Variants in CHI3L2 observed in about 807,000 individuals in gnomAD.
The protein encoded by CHI3L2 is chitinase-3-like protein 2.
A neutral mutation model predicts 47.3 loss-of-function variants in CHI3L2; 47 were observed. That is an observed-to-expected ratio of 0.99 (90% confidence interval 0.79 to 1.27). The LOEUF is 1.27. Among genes scored for constraint, CHI3L2 ranks in the 50% most tolerant of loss-of-function variants. CHI3L2 has a pLI of 0.00. For missense variants in CHI3L2, 497 were observed against 462.1 expected (o/e 1.08, Z -0.69); for synonymous variants, 198 against 169.9 (o/e 1.17, Z -1.28).
In CHI3L2 at chr1:111,230,829, C is replaced by A; in HGVS notation, c.158C>A (p.Pro53His). The change falls in exon 3 of 11, where the codon CCC (proline) becomes CAC (histidine). Residue 53 changes from proline to histidine, a missense_variant. Transcript: ENST00000369748. ...PGKFTPENID[P>H]FLCSHLIYSF... is the part of the protein sequence containing the mutation. The stretch of plus-strand genomic sequence containing the variant: ...AAATTCACCCCTGAGAATATTGACC[C>A]CTTCCTATGCTCTCATCTCATCTAT... 1 of 1,614,082 alleles carries A rather than the reference C, an allele frequency of 6.2e-7. No individual in the cohort carries two copies. The highest frequency in any genetic ancestry group is 8.5e-7 in the Non-Finnish European group (1 of 1,179,992).
chr1:111,241,478 G>T, intron 9 of CHI3L2, 35 bp downstream of exon 9: 2 of 1,061,752 alleles, frequency 1.9e-6, no homozygotes, highest in South Asian at 1.3e-5. Context: ...CCTTTAGGTG[G>T]GGAATGGTGA....
chr1:111,242,205 T>A, intron 9 of CHI3L2, 22 bp from the exon 10 acceptor site: 1 of 1,614,048 alleles, frequency 6.2e-7, no homozygotes, highest in African/African-American at 1.3e-5. Flanking sequence ...AATCTCTGTG[T>A]ATCCTTCTGT....
intron 10 of CHI3L2, among the ~76,000 whole-genome samples, 194 bp from the exon 11 acceptor site, chr1:111,243,023 G>A (rs765971210): frequency 1.3e-5 from 2 of 152,170 alleles, no homozygotes; most frequent in African/African-American, 2.4e-5. Context: ...GAAGCAGGGC[G>A]CTGGGGCTCA....
At chr1:111,234,132 A>G (rs1173511702) in intron 4 of CHI3L2, among the ~76,000 whole-genome samples, 2 of 148,464 alleles carry the variant, frequency 1.3e-5, no homozygotes, top group African/African-American at 2.5e-5. Context: ...TCCCTCCACT[A>G]TTGTCCTATG....
chr1:111,228,191 T>TTAC (rs1659582903), intron 1 of CHI3L2, among the ~76,000 whole-genome samples: 2 of 152,224 alleles, frequency 1.3e-5, no homozygotes, highest in Non-Finnish European at 2.9e-5. Context: ...TTGAATTTAA[T>TTAC]GTTTTTTAAA....
chr1:111,228,880 G>A (rs1418929723), intron 1 of CHI3L2, among the ~76,000 whole-genome samples: 3 of 152,134 alleles, frequency 2.0e-5, no homozygotes, highest in Non-Finnish European at 4.4e-5. Context: ...TTTCCTTTAG[G>A]AGGATGTGTT....
In CHI3L2 at chr1:111,235,093, T is replaced by C; in HGVS notation, c.480+36T>C. ...AATCAAGTAATTCATGTGAGTCAGA[T>C]GCCACGGTGTACTCAGTACTCTGAT... is the stretch of plus-strand genomic sequence containing the variant. On this transcript the variant is annotated intron_variant, in intron 5 of 10. Coordinates refer to ENST00000369748, the MANE Select transcript of CHI3L2 (RefSeq NM_004000.3). 6 of 1,606,212 alleles carry C rather than the reference T, an allele frequency of 3.7e-6. 1 individual carries two copies. The South Asian group carries it at 6.6e-5, about 18-fold the overall frequency.
chr1:111,231,274 G>A lies in CHI3L2; in HGVS notation c.309G>A (p.Gly103=). ...TGAAAATTCTCTTGTCCATTGGAGG[G>A]TACCTGTTTGGTTCCAAAGGGTAAG... The part of the protein sequence containing the change: ...PKLKILLSIG[G]YLFGSKGFHP... The change falls in exon 4 of 11, where the codon GGG becomes GGA. Residue 103 remains glycine, a synonymous_variant. Coordinates refer to ENST00000369748, the MANE Select transcript of CHI3L2 (RefSeq NM_004000.3). The A allele has an allele frequency of 6.2e-7, 1 of 1,611,246 alleles. No individual in the cohort carries two copies. Among genetic ancestry groups the A allele is most frequent in the African/African-American group, 1.3e-5 (1 of 74,974 alleles).
chr1:111,238,980 G>T, intron 8 of CHI3L2, 48 bp downstream of exon 8: 1 of 1,500,626 alleles, frequency 6.7e-7, no homozygotes. Context: ...TGTCTGGGTA[G>T]ATGTTCCATC....
At chr1:111,232,315 A>G (rs1659745797) in intron 4 of CHI3L2, among the ~76,000 whole-genome samples, 1 of 152,214 alleles carries the variant, frequency 6.6e-6, no homozygotes, top group African/African-American at 2.4e-5. Flanking sequence ...GTGTTGATGC[A>G]AATAAAAATG....
chr1:111,232,633 A>G (rs1027926839), intron 4 of CHI3L2, among the ~76,000 whole-genome samples: 1 of 152,202 alleles, frequency 6.6e-6, no homozygotes, highest in Non-Finnish European at 1.5e-5. Context: ...ATAAGGGCTC[A>G]ATGGTTGCAG....
At position 111,230,954 on chromosome 1, in the gene CHI3L2, T is replaced by G; in HGVS notation, c.272+11T>G. On this transcript the variant is annotated intron_variant, in intron 3 of 10. Coordinates refer to ENST00000369748, the MANE Select transcript of CHI3L2 (RefSeq NM_004000.3). ...CAGTCTCAAAACCAAGTGAGTAAGA[T>G]GGGGGTGGAAGCATCCTGCATGGAT... 1 of 1,609,892 alleles carries G rather than the reference T, an allele frequency of 6.2e-7. No individual in the cohort carries two copies. The highest frequency in any genetic ancestry group is 8.5e-7 in the Non-Finnish European group (1 of 1,176,446).
chr1:111,227,683 A>G (rs1659563438), upstream of CHI3L2: 9 of 1,602,520 alleles, frequency 5.6e-6, no homozygotes, highest in Non-Finnish European at 7.7e-6. Flanking sequence ...ACCTCAGTGG[A>G]TAAAAGACCT....
In CHI3L2 at chr1:111,243,262, CCTG is replaced by C. The variant is rs1398297124; in HGVS notation, c.*51_*53del. On this transcript the variant is annotated 3_prime_UTR_variant, in exon 11 of 11. Coordinates refer to ENST00000369748, the MANE Select transcript of CHI3L2 (RefSeq NM_004000.3). ...GGCAAGATGACCTTGCTGCCTGGGG[CCTG>C]CTCTCTCCCAGGAATTCTCATGTGG... 2.2e-6 allele frequency: 1 copy of C among 456,062 alleles called. No homozygotes were observed. Among genetic ancestry groups the C allele is most frequent in the East Asian group, 6.9e-5 (1 of 14,398 alleles). The allele number at this position is 456,062 out of a possible 1,614,324, so 28.3% of individuals were successfully genotyped here.
intron 8 of CHI3L2, among the ~76,000 whole-genome samples, chr1:111,239,933 G>C (rs1373347840): frequency 6.6e-6 from 1 of 152,146 alleles, no homozygotes; most frequent in Non-Finnish European, 1.5e-5. Context: ...GACATAGCTA[G>C]TTAAACAAGA....
intron 5 of CHI3L2, 113 bp downstream of exon 5, chr1:111,235,170 A>T: frequency 9.0e-7 from 1 of 1,109,524 alleles, no homozygotes; most frequent in South Asian, 1.6e-5. Flanking sequence ...ATTGAGTCTA[A>T]CAGCCCCAGC....
chr1:111,232,188 C>T (rs1343665837), intron 4 of CHI3L2, among the ~76,000 whole-genome samples: 2 of 152,210 alleles, frequency 1.3e-5, no homozygotes, highest in African/African-American at 4.8e-5. Flanking sequence ...GATCAGGCTA[C>T]CTAACTTTTT....
Position 111,231,264 on chromosome 1 carries a change from C to A in CHI3L2, c.299C>A (p.Ser100Tyr), listed in dbSNP as rs1422574347. 2 of 1,611,426 alleles carry A rather than the reference C, an allele frequency of 1.2e-6. No individual in the cohort carries two copies. The highest frequency in any genetic ancestry group is 2.2e-5 in the South Asian group (2 of 90,972). The change falls in exon 4 of 11, where the codon TCC (serine) becomes TAC (tyrosine). Residue 100 changes from serine to tyrosine, a missense_variant. Physicochemically the swap from Ser to Tyr is moderately radical, Grantham distance 144. Coordinates refer to ENST00000369748, the MANE Select transcript of CHI3L2 (RefSeq NM_004000.3). ...AATCCCAAACTGAAAATTCTCTTGT[C>A]CATTGGAGGGTACCTGTTTGGTTCC... is the stretch of plus-strand genomic sequence containing the variant. ...TKNPKLKILL[S>Y]IGGYLFGSKG...
At chr1:111,232,170 G>A (rs1033177495) in intron 4 of CHI3L2, among the ~76,000 whole-genome samples, 9 of 152,158 alleles carry the variant, frequency 5.9e-5, no homozygotes, top group African/African-American at 2.2e-4. Flanking sequence ...ACAGAAAGAA[G>A]GAAGAAAGAT....
Sources: gnomAD v4.1 joint callset for allele counts (sites outside exome capture counted in the v4.1 genomes callset) on GRCh38, gnomAD v4.1.1 for gene constraint, MANE v1.5 for transcripts, NCBI Gene and HGNC (gene_info 2026-07-23, HGNC 2026-07-21) for gene names.